Variants in INPP4B observed in about 807,000 individuals in gnomAD.
INPP4B encodes the protein inositol polyphosphate-4-phosphatase type II B.
In INPP4B, 55 loss-of-function variants were observed where a neutral mutation model predicts 122.5. The observed-to-expected ratio is 0.45, with a 90% CI of 0.36 to 0.56. The LOEUF (loss-of-function observed/expected upper bound fraction) is 0.56. Among genes scored for constraint, INPP4B ranks in the 20% least tolerant of loss-of-function variants. INPP4B has a pLI of 0.00. For missense variants in INPP4B, 1,000 were observed against 1,097.7 expected (o/e 0.91, Z 1.26); for synonymous variants, 403 against 388.7 (o/e 1.04, Z -0.43).
At chr4:142,405,989 T>C (rs1227044698) in intron 5 of INPP4B, among the ~76,000 whole-genome samples, 2 of 152,156 alleles carry the variant, frequency 1.3e-5, no homozygotes, top group Non-Finnish European at 2.9e-5. Context: ...ACCAGGCTCA[T>C]ATTACAGACC....
At chr4:142,642,688 A>C (rs1320596073) in intron 2 of INPP4B, among the ~76,000 whole-genome samples, 2 of 152,142 alleles carry the variant, frequency 1.3e-5, no homozygotes, top group East Asian at 1.9e-4. Flanking sequence ...GTATAGTTTG[A>C]AGTCAGGTAG....
At chr4:142,570,940 T>A (rs529384709) in intron 2 of INPP4B, among the ~76,000 whole-genome samples, 1 of 152,066 alleles carries the variant, frequency 6.6e-6, no homozygotes, top group Non-Finnish European at 1.5e-5. Context: ...TATTCTAAGG[T>A]TGCATCTTAT....
At position 142,771,191 on chromosome 4, in the gene INPP4B, G is replaced by T. The variant is rs560973507; in HGVS notation, c.-253-45290C>A. Among the ~76,000 whole-genome samples, 13 of 152,258 alleles carry T rather than the reference G, an allele frequency of 8.5e-5. No individual in the cohort carries two copies. The East Asian group carries it at 2.5e-3, about 29-fold the overall frequency. On this transcript the variant is annotated intron_variant, in intron 1 of 25. Coordinates refer to ENST00000262992, the MANE Select transcript of INPP4B (RefSeq NM_001101669.3). ...AAGAAAAAATTACCTTGTCATGTTT[G>T]AGGGACAGAAAGTGGGTAAATGTCA...
chr4:142,271,481 A>G (rs1472592381), intron 9 of INPP4B, among the ~76,000 whole-genome samples: 4 of 152,222 alleles, frequency 2.6e-5, no homozygotes, highest in Non-Finnish European at 4.4e-5. Context: ...GTGGCCAAGT[A>G]AAATAGAAAA....
At chr4:142,141,519 A>C (rs1272633844) in intron 18 of INPP4B, among the ~76,000 whole-genome samples, 1 of 152,114 alleles carries the variant, frequency 6.6e-6, no homozygotes, top group Non-Finnish European at 1.5e-5. Flanking sequence ...AAATATATAT[A>C]AACTGTAGAA....
chr4:142,747,419 G>T (rs1256850459), intron 1 of INPP4B, among the ~76,000 whole-genome samples: 1 of 152,156 alleles, frequency 6.6e-6, no homozygotes, highest in Non-Finnish European at 1.5e-5. Flanking sequence ...TTACGCTGTT[G>T]GTGGGAGTGT....
At chr4:142,599,394 T>G (rs554393231) in intron 2 of INPP4B, among the ~76,000 whole-genome samples, 1 of 152,220 alleles carries the variant, frequency 6.6e-6, no homozygotes, top group East Asian at 1.9e-4. Flanking sequence ...CCTAAACTAC[T>G]GAGGAAATCA....
chr4:142,281,329 T>A (rs1436433558), intron 9 of INPP4B, among the ~76,000 whole-genome samples: 1 of 141,774 alleles, frequency 7.1e-6, no homozygotes, highest in African/African-American at 2.8e-5. Flanking sequence ...TCTGGATAGA[T>A]AGCTAAGCAT....
chr4:142,215,910 A>G (rs1263097292), intron 12 of INPP4B, among the ~76,000 whole-genome samples: 1 of 84,976 alleles, frequency 1.2e-5, no homozygotes, highest in Non-Finnish European at 2.6e-5. Flanking sequence ...AAAAAAAAAA[A>G]AAAAAAAAAA....
intron 1 of INPP4B, among the ~76,000 whole-genome samples, chr4:142,815,871 AT>A (rs1780060346): frequency 6.6e-6 from 1 of 152,118 alleles, no homozygotes; most frequent in Non-Finnish European, 1.5e-5. Context: ...GTAGTTATTA[AT>A]TTTATTTTCA....
chr4:142,361,347 C>T (rs1383403629), intron 7 of INPP4B, among the ~76,000 whole-genome samples: 2 of 151,916 alleles, frequency 1.3e-5, no homozygotes, highest in Non-Finnish European at 2.9e-5. Flanking sequence ...TGAAACTAGC[C>T]TAATCTGTGA....
At chr4:142,459,683 T>G (rs970287882) in intron 3 of INPP4B, among the ~76,000 whole-genome samples, 4 of 152,130 alleles carry the variant, frequency 2.6e-5, no homozygotes, top group Non-Finnish European at 5.9e-5. Flanking sequence ...AAGCGTAATT[T>G]CTCTTACTCT....
chr4:142,243,088 G>A (rs1020434298), intron 11 of INPP4B, among the ~76,000 whole-genome samples: 1 of 152,208 alleles, frequency 6.6e-6, no homozygotes, highest in African/African-American at 2.4e-5. Context: ...CAAGACGGAA[G>A]AGCATAATTA....
intron 2 of INPP4B, among the ~76,000 whole-genome samples, chr4:142,516,340 C>T (rs148674613): frequency 3.9e-5 from 6 of 152,202 alleles, no homozygotes; most frequent in East Asian, 1.9e-4. Flanking sequence ...CTACAGGATA[C>T]GGGATTTAAT....
chr4:142,631,159 C>A (rs114589220), intron 2 of INPP4B, among the ~76,000 whole-genome samples: 1 of 151,956 alleles, frequency 6.6e-6, no homozygotes, highest in Admixed American at 6.6e-5. Context: ...CCTCCAGATA[C>A]CAGGATAGAT....
intron 3 of INPP4B, among the ~76,000 whole-genome samples, chr4:142,443,171 T>C (rs1404998282): frequency 1.3e-5 from 2 of 152,142 alleles, no homozygotes; most frequent in Non-Finnish European, 2.9e-5. Flanking sequence ...ATATATAATG[T>C]CATCTGTGGG....
rs1241911359 is a variant in INPP4B, at chr4:142,024,769, ATGG to A, written c.*4010_*4012del. ...GCCAAAATTATAAACTCCAAAATAG[ATGG>A]TGAAGTACATTTTTAGTGATATCTG... On this transcript the variant is annotated 3_prime_UTR_variant, in exon 26 of 26. Coordinates refer to ENST00000262992, the MANE Select transcript of INPP4B (RefSeq NM_001101669.3). 3 of 152,244 alleles carry A rather than the reference ATGG, an allele frequency of 2.0e-5. No individual in the cohort carries two copies. Among genetic ancestry groups the A allele is most frequent in the Non-Finnish European group, 2.9e-5 (2 of 68,006 alleles). 9.4% of individuals were successfully genotyped at this position (152,244 alleles called of 1,614,324 possible).
chr4:142,258,404 G>C (rs1323048369), intron 11 of INPP4B, among the ~76,000 whole-genome samples: 1 of 151,798 alleles, frequency 6.6e-6, no homozygotes, highest in Non-Finnish European at 1.5e-5. Flanking sequence ...ACTACCATCA[G>C]AGTGAACAGG....
chr4:142,407,679 GGATTT>G (rs1169915476), intron 5 of INPP4B, among the ~76,000 whole-genome samples: 1 of 152,046 alleles, frequency 6.6e-6, no homozygotes, highest in East Asian at 1.9e-4. Context: ...ACAGCTCAGA[GGATTT>G]ACTGTACCCT....
Sources: allele counts gnomAD v4.1 joint callset (sites outside exome capture counted in the v4.1 genomes callset), GRCh38; gene constraint gnomAD v4.1.1; transcripts MANE v1.5; gene names NCBI Gene and HGNC (gene_info 2026-07-23, HGNC 2026-07-21).